FBXW8: variants seen among roughly 807,000 people sequenced by gnomAD.
The protein encoded by FBXW8 is F-box/WD repeat-containing protein 8.
In FBXW8, 57 loss-of-function variants were observed where a neutral mutation model predicts 65.3. The observed-to-expected ratio is 0.87, with a 90% CI of 0.71 to 1.09. FBXW8 has a LOEUF of 1.09. FBXW8 is among the 50% of genes least tolerant of loss of function. The pLI is 0.00. For synonymous variants in FBXW8, 308 were observed against 330.2 expected (o/e 0.93, Z 0.73); for missense variants, 777 against 814.8 (o/e 0.95, Z 0.57).
chr12:116,923,895 A>G (rs1207383754), intron 1 of FBXW8, among the ~76,000 whole-genome samples: 2 of 151,994 alleles, frequency 1.3e-5, no homozygotes, highest in Non-Finnish European at 1.5e-5. Flanking sequence ...TAATTTTTTT[A>G]TTAGAGACGG....
chr12:116,992,659 T>C (rs1181186057), intron 7 of FBXW8, among the ~76,000 whole-genome samples: 8 of 152,114 alleles, frequency 5.3e-5, no homozygotes, highest in Admixed American at 2.0e-4. Context: ...TGTATTTAGT[T>C]TTCCATTCTT....
intron 3 of FBXW8, among the ~76,000 whole-genome samples, chr12:116,948,181 TGTG>T (rs1464150941): frequency 2.0e-5 from 3 of 152,348 alleles, no homozygotes; most frequent in African/African-American, 7.2e-5. Flanking sequence ...CTAAACTAAT[TGTG>T]GTGGCCATAG....
chr12:116,970,598 TTTG>T, intron 5 of FBXW8, among the ~76,000 whole-genome samples: 1 of 152,332 alleles, frequency 6.6e-6, no homozygotes, highest in Admixed American at 6.5e-5. Flanking sequence ...TACTTAAGAT[TTTG>T]TTTTTAGTAA....
chr12:116,922,939 G>A (rs922084438), intron 1 of FBXW8, among the ~76,000 whole-genome samples: 29 of 152,166 alleles, frequency 1.9e-4, no homozygotes, highest in African/African-American at 5.5e-4. Context: ...GAGGCCGGGT[G>A]CAGTGGCTCA....
intron 2 of FBXW8, among the ~76,000 whole-genome samples, chr12:116,934,781 T>G (rs1017432839): frequency 1.3e-5 from 2 of 152,200 alleles, no homozygotes; most frequent in Non-Finnish European, 2.9e-5. Context: ...TCACAAATCT[T>G]GTTGATGTCA....
intron 8 of FBXW8, among the ~76,000 whole-genome samples, chr12:117,015,775 C>T (rs1953936016): frequency 6.6e-6 from 1 of 152,204 alleles, no homozygotes; most frequent in Admixed American, 6.5e-5. Context: ...GCAGTTATCA[C>T]TACAGTCCAT....
At chr12:116,992,390 ATT>A (rs1459906858) in intron 7 of FBXW8, among the ~76,000 whole-genome samples, 4 of 145,538 alleles carry the variant, frequency 2.7e-5, no homozygotes, top group African/African-American at 1.1e-4. Flanking sequence ...GCAACTATGT[ATT>A]TTTGCCCTTT....
intron 4 of FBXW8, among the ~76,000 whole-genome samples, chr12:116,952,395 A>AT (rs1472426818): frequency 6.6e-6 from 1 of 152,122 alleles, no homozygotes; most frequent in Admixed American, 6.5e-5. Flanking sequence ...CAATTCAGTG[A>AT]TTTTTTCTTA....
At chr12:117,025,037 C>G (rs1225776744) in intron 9 of FBXW8, among the ~76,000 whole-genome samples, 1 of 152,120 alleles carries the variant, frequency 6.6e-6, no homozygotes, top group East Asian at 1.9e-4. Flanking sequence ...TTCAAAGCAG[C>G]AGCCCAGCCC....
intron 7 of FBXW8, among the ~76,000 whole-genome samples, chr12:117,009,025 GC>G (rs1311072960): frequency 6.6e-6 from 1 of 152,088 alleles, no homozygotes; most frequent in Admixed American, 6.5e-5. Context: ...CAAGATCGCG[GC>G]CACTGCACTC....
At chr12:116,919,448 T>A (rs1029169002) in intron 1 of FBXW8, among the ~76,000 whole-genome samples, 1 of 152,196 alleles carries the variant, frequency 6.6e-6, no homozygotes, top group African/African-American at 2.4e-5. Context: ...GAAGAGGCAA[T>A]GAAATAGGCA....
chr12:116,963,800 A>G (rs1043981681), intron 4 of FBXW8, among the ~76,000 whole-genome samples: 2 of 152,186 alleles, frequency 1.3e-5, no homozygotes, highest in Non-Finnish European at 2.9e-5. Flanking sequence ...TCATTGGCCT[A>G]TCTTTGTGAT....
At chr12:116,994,827 A>G (rs1010758915) in intron 7 of FBXW8, among the ~76,000 whole-genome samples, 2 of 151,950 alleles carry the variant, frequency 1.3e-5, no homozygotes, top group African/African-American at 4.9e-5. Flanking sequence ...TGCTATTGTA[A>G]ACAACACTTG....
At chr12:116,992,761 G>GGTGTGTGTGTGTGTGTGT (rs59119067) in intron 7 of FBXW8, among the ~76,000 whole-genome samples, 15 of 143,550 alleles carry the variant, frequency 1.0e-4, no homozygotes, top group Non-Finnish European at 1.8e-4. Flanking sequence ...ATTATTCCAT[G>GGTGTGTGTGTGTGTGTGT]GTGTGTGTGT....
chr12:116,964,743 T>C lies in FBXW8; in HGVS notation c.724T>C (p.Tyr242His). ...VRVWDTRTWD[Y>H]VAPFLESEDE... ...AGTGTGGGACACCCGCACCTGGGAC[T>C]ACGTAGCCCCCTTCCTGGAATCAGA... is the stretch of plus-strand genomic sequence containing the variant. Residue 242 changes from tyrosine to histidine, a missense_variant, in exon 5 of 11, where the codon TAC (tyrosine) becomes CAC (histidine). Transcript: ENST00000652555. 1.2e-6 allele frequency: 2 copies of C among 1,613,800 alleles called. No homozygotes were observed. Among genetic ancestry groups the C allele is most frequent in the South Asian group, 2.2e-5 (2 of 91,060 alleles).
rs1455664934 is a variant in FBXW8 at position 116,911,071 on chromosome 12, C to T, written c.34C>T (p.Arg12Cys). 2.8e-6 allele frequency: 4 copies of T among 1,450,840 alleles called. No individual in the cohort carries two copies. In the African/African-American group the frequency reaches 4.5e-5, roughly 16 times the overall value. The allele number at this position is 1,450,840 out of a possible 1,614,324, so 89.9% of individuals were successfully genotyped here. A position where few individuals can be genotyped will look rare whatever the true frequency, so the allele number is the denominator to read the frequency against. Residue 12 changes from arginine to cysteine, a missense_variant, in exon 1 of 11, where the codon CGC (arginine) becomes TGC (cysteine). Coordinates refer to ENST00000652555, the MANE Select transcript of FBXW8 (RefSeq NM_153348.3). ...CTACAGCCTGGATGAGTTCCGTCGG[C>T]GCTGGCAGGAGGAGCTGGCGCAGGC... ...DDYSLDEFRRRWQEELAQAQA... is the reference protein window; with the variant it reads ...DDYSLDEFRRCWQEELAQAQA...
At chr12:116,917,994 AAAAAAAAAAAC>A (rs969675595) in intron 1 of FBXW8, among the ~76,000 whole-genome samples, 8 of 151,078 alleles carry the variant, frequency 5.3e-5, no homozygotes, top group African/African-American at 1.7e-4. Context: ...TCCACCTCAA[AAAAAAAAAAAC>A]AAAAAAAAAA....
At chr12:117,014,199 A>G (rs1953894147) in intron 8 of FBXW8, among the ~76,000 whole-genome samples, 1 of 152,126 alleles carries the variant, frequency 6.6e-6, no homozygotes, top group Admixed American at 6.5e-5. Context: ...TTCCTGTGTC[A>G]TCTCCATTCT....
chr12:116,915,124 C>T (rs140717608), intron 1 of FBXW8, among the ~76,000 whole-genome samples: 193 of 152,272 alleles, frequency 1.3e-3, no homozygotes, highest in Middle Eastern at 6.8e-3. Flanking sequence ...TAAATGATGA[C>T]AAGGTTTATG....
Sources: allele counts gnomAD v4.1 joint callset (sites outside exome capture counted in the v4.1 genomes callset), GRCh38; gene constraint gnomAD v4.1.1; transcripts MANE v1.5; gene names NCBI Gene and HGNC (gene_info 2026-07-23, HGNC 2026-07-21).